FABP7: variants seen among roughly 807,000 people sequenced by gnomAD.
FABP7 encodes fatty acid-binding protein, brain.
In FABP7, 13 loss-of-function variants were observed where a neutral mutation model predicts 14.2. The ratio of observed to expected loss-of-function variants is 0.91; its 90% confidence interval spans 0.59 to 1.45. The LOEUF (loss-of-function observed/expected upper bound fraction) is 1.45. Among genes scored for constraint, FABP7 ranks in the 40% most tolerant of loss-of-function variants. FABP7 has a pLI of 0.00. For missense variants in FABP7, 149 were observed against 157.6 expected, an observed-to-expected ratio of 0.95 and a Z score of 0.29; for synonymous variants, 49 against 51.4, an observed-to-expected ratio of 0.95 and a Z score of 0.20.
At chr6:122,761,123 T>C in the FABP7 span, among the ~76,000 whole-genome samples, 2 of 152,178 alleles carry the variant, frequency 1.3e-5, no homozygotes, top group East Asian at 3.9e-4. Flanking sequence ...ATTGTTTCGT[T>C]TGCTTTGAAC....
the FABP7 span, among the ~76,000 whole-genome samples, chr6:122,752,141 A>T: frequency 6.6e-6 from 1 of 152,142 alleles, no homozygotes; most frequent in Non-Finnish European, 1.5e-5. Flanking sequence ...TAATGTACTA[A>T]TTTGATTGAG....
At chr6:122,779,986 G>A in intron 1 of FABP7, 119 bp downstream of exon 1, 1 of 972,948 alleles carries the variant, frequency 1.0e-6, no homozygotes, top group Non-Finnish European at 1.6e-6. Context: ...GCCCTGATCA[G>A]ATGCTAGGCT....
the FABP7 span, among the ~76,000 whole-genome samples, chr6:122,763,891 A>G: frequency 6.6e-6 from 1 of 152,218 alleles, no homozygotes; most frequent in Non-Finnish European, 1.5e-5. Flanking sequence ...TCAGGAAACA[A>G]CAGGTGCTGG....
the FABP7 span, among the ~76,000 whole-genome samples, chr6:122,755,468 T>TC: frequency 6.7e-6 from 1 of 149,232 alleles, no homozygotes; most frequent in African/African-American, 2.4e-5. Flanking sequence ...TATTTTTTTT[T>TC]TTTTTTTTGA....
chr6:122,773,838 G>C, the FABP7 span, among the ~76,000 whole-genome samples: 3 of 152,048 alleles, frequency 2.0e-5, no homozygotes, highest in Admixed American at 2.0e-4. Flanking sequence ...GATTCTGCCA[G>C]GATCTCCTAA....
the FABP7 span, among the ~76,000 whole-genome samples, chr6:122,762,791 A>G: frequency 2.6e-5 from 4 of 152,252 alleles, no homozygotes; most frequent in African/African-American, 9.6e-5. Flanking sequence ...CCCATTCACA[A>G]TTGCTTCAAA....
the FABP7 span, among the ~76,000 whole-genome samples, chr6:122,762,407 AT>A: frequency 6.6e-6 from 1 of 152,214 alleles, no homozygotes; most frequent in Non-Finnish European, 1.5e-5. Context: ...AATAAGAGCT[AT>A]TTATGACAAA....
rs759971531 is a variant in FABP7, at chr6:122,779,864, CTAGG to C, written c.73+4_73+7del. Reference sequence around the variant, plus strand: ...GAACTTTGATGAGTACATGAAGGCTCTAGGTAGGTAACAATAAGACCGGCTGTTC... The same window carrying C: ...GAACTTTGATGAGTACATGAAGGCTCTAGGTAACAATAAGACCGGCTGTTC... On this transcript the variant is annotated splice_donor_variant and coding_sequence_variant, in exon 1 of 4. Transcript: ENST00000368444. LOFTEE classifies it high-confidence loss of function. The C allele has an allele frequency of 6.2e-7, 1 of 1,613,856 alleles. No individual in the cohort carries two copies. The highest frequency in any genetic ancestry group is 1.1e-5 in the South Asian group (1 of 91,064).
rs1228064877 is a variant in FABP7, at chr6:122,780,323, G to C, written c.106G>C (p.Val36Leu). 21 of 1,614,054 alleles carry C rather than the reference G, an allele frequency of 1.3e-5. No individual in the cohort carries two copies. Among genetic ancestry groups the C allele is most frequent in the Non-Finnish European group, 1.6e-5 (19 of 1,180,040 alleles). The stretch of plus-strand genomic sequence containing the variant: ...CTTTGCCACTAGGCAGGTGGGAAAT[G>C]TGACCAAACCAACGGTAATTATCAG... The part of the protein sequence containing the change: ...VGFATRQVGN[V>L]TKPTVIISQE... The change falls in exon 2 of 4, where the codon GTG becomes CTG. Residue 36 changes from valine (V) to leucine (L), a missense_variant. Physicochemically the swap from Val to Leu is conservative, Grantham distance 32. Transcript: ENST00000368444.
At chr6:122,754,968 C>A in the FABP7 span, among the ~76,000 whole-genome samples, 145,351 of 151,902 alleles carry the variant, frequency 0.96, 69,812 homozygotes, top group East Asian at 1. Flanking sequence ...GACATCACCA[C>A]TAACTGTACC....
At chr6:122,755,475 T>C in the FABP7 span, among the ~76,000 whole-genome samples, 12,272 of 149,696 alleles carry the variant, frequency 0.082, 538 homozygotes, top group East Asian at 0.15. Flanking sequence ...TTTTTTTTTT[T>C]TGAGACGGAG....
intron 3 of FABP7, chr6:122,782,165 A>G (rs1780805728): frequency 1.0e-6 from 1 of 983,364 alleles, no homozygotes; most frequent in African/African-American, 1.7e-5. Context: ...ATTTTTTTCA[A>G]TCAGCCTCTT....
upstream of FABP7, among the ~76,000 whole-genome samples, chr6:122,776,704 G>A (rs1464956232): frequency 5.9e-5 from 9 of 152,124 alleles, no homozygotes; most frequent in Admixed American, 1.3e-4. Flanking sequence ...AATGACCAAT[G>A]AGGTGATAAA....
intron 2 of FABP7, 39 bp downstream of exon 2, chr6:122,780,502 A>G (rs2243372): frequency 0.59 from 937,133 of 1,583,500 alleles, 278,084 homozygotes; most frequent in East Asian, 0.66. Context: ...GGATGGGGAG[A>G]GGGGAATAAA....
the FABP7 span, among the ~76,000 whole-genome samples, chr6:122,749,970 T>C: frequency 6.6e-6 from 1 of 152,198 alleles, no homozygotes; most frequent in Non-Finnish European, 1.5e-5. Flanking sequence ...AATTAAGTTA[T>C]TTATGTTACT....
chr6:122,755,532 C>A, the FABP7 span, among the ~76,000 whole-genome samples: 1 of 148,208 alleles, frequency 6.7e-6, no homozygotes, highest in Non-Finnish European at 1.5e-5. Context: ...CGGCTCACTG[C>A]AAGCTCTGCC....
At chr6:122,767,353 T>A in the FABP7 span, among the ~76,000 whole-genome samples, 82 of 152,228 alleles carry the variant, frequency 5.4e-4, no homozygotes, top group African/African-American at 1.8e-3. Flanking sequence ...GTCATGAGGC[T>A]ATAAAAATTG....
chr6:122,780,407 A>G lies in FABP7; in HGVS notation c.190A>G (p.Ser64Gly). 1.9e-6 allele frequency: 3 copies of G among 1,614,092 alleles called. No homozygotes were observed. The highest frequency in any genetic ancestry group is 2.5e-6 in the Non-Finnish European group (3 of 1,180,018). ...TLSTFKNTEI[S>G]FQLGEEFDET... is the part of the protein sequence containing the mutation. Reference sequence around the variant, plus strand: ...CAGCACATTCAAGAACACGGAGATTAGTTTCCAGCTGGGAGAAGAGTTTGA... The same window carrying G: ...CAGCACATTCAAGAACACGGAGATTGGTTTCCAGCTGGGAGAAGAGTTTGA... Residue 64 changes from serine (S) to glycine (G), a missense_variant, in exon 2 of 4, where the codon AGT becomes GGT. Physicochemically the swap from Ser to Gly is moderately conservative, Grantham distance 56. Coordinates refer to ENST00000368444, the MANE Select transcript of FABP7 (RefSeq NM_001446.5).
upstream of FABP7, chr6:122,779,623 G>T: frequency 1.6e-6 from 1 of 627,000 alleles, no homozygotes; most frequent in Middle Eastern, 4.4e-4. Context: ...CTCTTGGAAA[G>T]AGGGACACTG....
Sources: gnomAD v4.1 joint callset for allele counts (sites outside exome capture counted in the v4.1 genomes callset) on GRCh38, gnomAD v4.1.1 for gene constraint, MANE v1.5 for transcripts, NCBI Gene and HGNC (gene_info 2026-07-23, HGNC 2026-07-21) for gene names.